ITPR1: variants seen among roughly 807,000 people sequenced by gnomAD.
ITPR1 encodes inositol 1,4,5-trisphosphate-gated calcium channel ITPR1.
Under a neutral mutation model 318.4 loss-of-function variants are expected in ITPR1, and 96 were observed. That is an observed-to-expected ratio of 0.30 (90% CI 0.26 to 0.36). The LOEUF is 0.36. ITPR1 is among the 10% of genes least tolerant of loss of function. The pLI, the probability that ITPR1 is intolerant of heterozygous loss-of-function variation, is 1.00. For missense variants in ITPR1, 2,440 were observed against 3,460.2 expected (o/e 0.71, Z 7.40); for synonymous variants, 1,312 against 1,289.9 (o/e 1.02, Z -0.37).
At chr3:4,570,487 T>C (rs2087859701) in intron 4 of ITPR1, among the ~76,000 whole-genome samples, 1 of 152,264 alleles carries the variant, frequency 6.6e-6, no homozygotes, top group South Asian at 2.1e-4. Flanking sequence ...TTAAAGACTG[T>C]TTCTTAAAAG....
Position 4,645,644 on chromosome 3 carries a change from G to A in ITPR1, c.771G>A (p.Arg257=), listed in dbSNP as rs529597616. The A allele has an allele frequency of 6.2e-7, 1 of 1,613,488 alleles. No homozygotes were observed. The highest frequency in any genetic ancestry group is 8.5e-7 in the Non-Finnish European group (1 of 1,179,704). ...AGTTTCTCACCTGTGACGAACACAG[G>A]AAGAAGCAGCACGTCTTCCTGAGAA... ...QEKFLTCDEH[R]KKQHVFLRTT... Residue 257 remains arginine, a synonymous_variant, in exon 10 of 62, where the codon AGG becomes AGA. Transcript: ENST00000649015.
intron 5 of ITPR1, among the ~76,000 whole-genome samples, chr3:4,638,807 T>G (rs1387726908): frequency 6.6e-6 from 1 of 152,074 alleles, no homozygotes; most frequent in East Asian, 1.9e-4. Context: ...GATTACATTA[T>G]GATTAATGTC....
At chr3:4,635,374 T>G (rs2093152951) in intron 5 of ITPR1, among the ~76,000 whole-genome samples, 1 of 152,010 alleles carries the variant, frequency 6.6e-6, no homozygotes, top group African/African-American at 2.4e-5. Flanking sequence ...GGAGTCTCAC[T>G]CTGTCGCCCA....
Position 4,620,987 on chromosome 3 carries a change from A to G in ITPR1, c.164-6776A>G, listed in dbSNP as rs76287259. Among the ~76,000 whole-genome samples the G allele has an allele frequency of 6.4e-3, 979 of 151,844 alleles. 7 individuals are homozygous for G. The highest frequency in any genetic ancestry group is 0.023 in the African/African-American group (931 of 41,352). On this transcript the variant is annotated intron_variant, in intron 4 of 61. Coordinates refer to ENST00000649015, the MANE Select transcript of ITPR1 (RefSeq NM_001378452.1). Reference sequence around the variant, plus strand: ...ATATTTTCAACTTACTAGTTGATGGACAGCCTACTCACTACTCAGCATTTC... The same window carrying G: ...ATATTTTCAACTTACTAGTTGATGGGCAGCCTACTCACTACTCAGCATTTC...
intron 53 of ITPR1, among the ~76,000 whole-genome samples, chr3:4,796,088 T>C (rs965370427): frequency 6.6e-6 from 1 of 152,148 alleles, no homozygotes; most frequent in Non-Finnish European, 1.5e-5. Flanking sequence ...CTCCACTCTT[T>C]AGCTTAATCA....
At chr3:4,713,269 G>A (rs2041515597) in intron 39 of ITPR1, among the ~76,000 whole-genome samples, 1 of 152,186 alleles carries the variant, frequency 6.6e-6, no homozygotes, top group Non-Finnish European at 1.5e-5. Context: ...CCAAAGCTGA[G>A]TGAATATTTT....
intron 4 of ITPR1, among the ~76,000 whole-genome samples, chr3:4,559,523 A>G (rs1455263939): frequency 2.0e-5 from 3 of 152,190 alleles, no homozygotes; most frequent in Non-Finnish European, 2.9e-5. Context: ...TTTACATATC[A>G]GTTATTCTGG....
chr3:4,657,469 ATTT>A (rs61012467), intron 12 of ITPR1, among the ~76,000 whole-genome samples: 1 of 127,252 alleles, frequency 7.9e-6, no homozygotes. Context: ...TTTTTGAAAG[ATTT>A]TTTTTTTTTT....
chr3:4,794,344 T>C (rs539199093), intron 52 of ITPR1, among the ~76,000 whole-genome samples: 1 of 152,282 alleles, frequency 6.6e-6, no homozygotes, highest in Admixed American at 6.5e-5. Context: ...TCTTGCCCCT[T>C]TGTGATGGCT....
In ITPR1 at chr3:4,834,956, C is replaced by G. The variant is rs548625157; in HGVS notation, c.8029-1818C>G. On this transcript the variant is annotated intron_variant, in intron 60 of 61. Coordinates refer to ENST00000649015, the MANE Select transcript of ITPR1 (RefSeq NM_001378452.1). ...CACGATAAGCAGCTCAGGCTTACTA[C>G]TTAAGCATTTGTTATTAGGGTGCAT... Among the ~76,000 whole-genome samples, 117 of 152,308 alleles carry G rather than the reference C, an allele frequency of 7.7e-4. 1 individual carries two copies. The highest frequency in any genetic ancestry group is 6.5e-4 in the Non-Finnish European group (44 of 68,030).
intron 1 of ITPR1, 150 bp downstream of exon 1, chr3:4,493,755 G>C (rs187781215): frequency 2.8e-3 from 433 of 152,452 alleles, no homozygotes; most frequent in Non-Finnish European, 4.9e-3. Context: ...AGTTGTTTTG[G>C]GGGGAGCTCA....
In ITPR1 at chr3:4,665,413, A is replaced by G. The variant is rs2093924918; in HGVS notation, c.1713+117A>G. 5 of 896,356 alleles carry G rather than the reference A, an allele frequency of 5.6e-6. No homozygotes were observed. In the South Asian group the frequency reaches 1.1e-4, roughly 21 times the overall value. The allele number at this position is 896,356 out of a possible 1,614,324, so 55.5% of individuals were successfully genotyped here. Reference sequence around the variant, plus strand: ...TTATAGAATGGATGCAGAATAGTTCAGTGTTGAGCTTGCTCTTGGGAAGGA... The same window carrying G: ...TTATAGAATGGATGCAGAATAGTTCGGTGTTGAGCTTGCTCTTGGGAAGGA... On this transcript the variant is annotated intron_variant, in intron 17 of 61. Transcript: ENST00000649015.
At chr3:4,725,719 C>A in intron 41 of ITPR1, 138 bp downstream of exon 41, 1 of 732,482 alleles carries the variant, frequency 1.4e-6, no homozygotes, top group Non-Finnish European at 2.3e-6. Flanking sequence ...TCTAGGCTGG[C>A]TGGGAACAGA....
At chr3:4,578,803 A>G (rs1381071649) in intron 4 of ITPR1, among the ~76,000 whole-genome samples, 1 of 152,106 alleles carries the variant, frequency 6.6e-6, no homozygotes, top group Non-Finnish European at 1.5e-5. Context: ...TTTTTAATTT[A>G]TTTTGGTTTT....
intron 44 of ITPR1, among the ~76,000 whole-genome samples, chr3:4,759,346 C>T (rs1474267552): frequency 2.6e-5 from 4 of 152,166 alleles, no homozygotes; most frequent in African/African-American, 7.2e-5. Flanking sequence ...ATTCATTGGC[C>T]CCTCTACAGC....
At position 4,826,945 on chromosome 3, in the gene ITPR1, G is replaced by C. The variant is rs1015839436; in HGVS notation, c.8028+8703G>C. ...GTATACCCAGGAGTCTAGTCTGTGA[G>C]ACTGTGCAGGACATGAGGGTTATGC... is the stretch of plus-strand genomic sequence containing the variant. On this transcript the variant is annotated intron_variant, in intron 60 of 61. Coordinates refer to ENST00000649015, the MANE Select transcript of ITPR1 (RefSeq NM_001378452.1). The surrounding 1 kb of genome is among the most constrained non-coding windows in gnomAD (Gnocchi z 4.2). Among the ~76,000 whole-genome samples the C allele has an allele frequency of 3.3e-5, 5 of 152,170 alleles. No homozygotes were observed. The highest frequency in any genetic ancestry group is 6.5e-5 in the Admixed American group (1 of 15,278).
In ITPR1 at chr3:4,590,174, CTTTTTTTTTTTTTTT is replaced by C. The variant is rs10713337; in HGVS notation, c.164-37582_164-37568del. Among the ~76,000 whole-genome samples, 123 of 87,472 alleles carry C rather than the reference CTTTTTTTTTTTTTTT, an allele frequency of 1.4e-3. 2 individuals are homozygous for C. The highest frequency in any genetic ancestry group is 5.4e-3 in the African/African-American group (119 of 21,898). 57.4% of individuals were successfully genotyped at this position (87,472 alleles called of 152,430 possible). A position where few individuals can be genotyped will look rare whatever the true frequency, so the allele number is the denominator to read the frequency against. On this transcript the variant is annotated intron_variant, in intron 4 of 61. Transcript: ENST00000649015. ...CCCTTTGTGTCTCCTCTTCGTCTTG[CTTTTTTTTTTTTTTT>C]TTTTTTGTCTTCATAGCAGGTACTA...
At chr3:4,681,624 AGTGTGTGT>A (rs10665371) in intron 26 of ITPR1, among the ~76,000 whole-genome samples, 28 of 145,786 alleles carry the variant, frequency 1.9e-4, no homozygotes, top group Middle Eastern at 3.3e-3. Flanking sequence ...AGAGAGAGAA[AGTGTGTGT>A]GTGTGTGTGT....
intron 2 of ITPR1, among the ~76,000 whole-genome samples, chr3:4,507,223 G>A (rs2081458114): frequency 6.6e-6 from 1 of 151,288 alleles, no homozygotes; most frequent in African/African-American, 2.4e-5. Context: ...TGCAGCCTCT[G>A]GAAAACTTCA....
Sources: allele counts gnomAD v4.1 joint callset (sites outside exome capture counted in the v4.1 genomes callset), GRCh38; gene constraint gnomAD v4.1.1; non-coding constraint Gnocchi (gnomAD v3.1); transcripts MANE v1.5; gene names NCBI Gene and HGNC (gene_info 2026-07-23, HGNC 2026-07-21).